The following SLC17A3 variants were observed in gnomAD, a reference collection of about 807,000 sequenced individuals.
SLC17A3 encodes solute carrier family 17 member 3, also known as sodium-dependent phosphate transport protein 4.
A neutral mutation model predicts 60.3 loss-of-function variants in SLC17A3; 61 were observed. The ratio of observed to expected loss-of-function variants is 1.01; its 90% confidence interval spans 0.82 to 1.25. SLC17A3 has a LOEUF of 1.25. Ranked by LOEUF, SLC17A3 falls within the 50% of genes most tolerant of loss-of-function variation. The probability of loss-of-function intolerance (pLI) is 0.00; values close to 1 mark genes in which losing one functional copy is unlikely to be tolerated. For missense variants in SLC17A3, 624 were observed against 594.9 expected (o/e 1.05, Z -0.51); for synonymous variants, 192 against 208.9 (o/e 0.92, Z 0.70).
intron 8 of SLC17A3, 132 bp downstream of exon 8, chr6:25,850,327 C>T (rs1765252214): frequency 3.1e-6 from 4 of 1,310,742 alleles, no homozygotes; most frequent in Admixed American, 3.8e-5. Context: ...AGAAAAGCTA[C>T]TGGCATGAGT....
rs757564537 is a variant in SLC17A3, at chr6:25,861,629, A to G, written c.620T>C (p.Leu207Ser). The G allele has an allele frequency of 6.2e-7, 1 of 1,613,746 alleles. No individual in the cohort carries two copies. Among genetic ancestry groups the G allele is most frequent in the Non-Finnish European group, 8.5e-7 (1 of 1,179,626 alleles). Residue 207 changes from leucine (L) to serine (S), a missense_variant, in exon 5 of 13, where the codon TTA becomes TCA. By Grantham distance (145) the Leu-to-Ser change is moderately radical. Coordinates refer to ENST00000397060, the MANE Select transcript of SLC17A3 (RefSeq NM_001098486.2). ...QERSRLCSIA[L>S]SGMLLGCFTA... Reference sequence around the variant, plus strand: ...TTTGGATTACATGTCCTTACCTGATAAAGCAATGCTGCAGAGTCTGCTTCG... The same window carrying G: ...TTTGGATTACATGTCCTTACCTGATGAAGCAATGCTGCAGAGTCTGCTTCG...
chr6:25,854,743 TTACTCAGGATGCCTTGCTCCTGTGC>T lies in SLC17A3; in HGVS notation c.712+376_712+400del, dbSNP rs556686237. Reference sequence around the variant, plus strand: ...TTCTCCTCTCTAAGAAACTTGAGCCTTACTCAGGATGCCTTGCTCCTGTGCTACTCAGGATGCCTTGCTCCTGTGC... The same window carrying T: ...TTCTCCTCTCTAAGAAACTTGAGCCTTACTCAGGATGCCTTGCTCCTGTGC... On this transcript the variant is annotated intron_variant, in intron 6 of 12. Coordinates refer to ENST00000397060, the MANE Select transcript of SLC17A3 (RefSeq NM_001098486.2). Among the ~76,000 whole-genome samples the T allele has an allele frequency of 5.9e-5, 9 of 152,034 alleles. No individual in the cohort carries two copies. In the East Asian group the frequency reaches 7.7e-4, roughly 13 times the overall value.
chr6:25,845,345 T>C, intron 12 of SLC17A3, 35 bp downstream of exon 12: 1 of 1,612,854 alleles, frequency 6.2e-7, no homozygotes, highest in Non-Finnish European at 8.5e-7. Flanking sequence ...GCTGCTTCTA[T>C]GGCTATAACC....
intron 2 of SLC17A3, among the ~76,000 whole-genome samples, chr6:25,864,006 T>A (rs1765494306): frequency 6.6e-6 from 1 of 151,948 alleles, no homozygotes; most frequent in African/African-American, 2.4e-5. Context: ...TAGAAGGTGA[T>A]AAATGCTGTA....
intron 2 of SLC17A3, among the ~76,000 whole-genome samples, chr6:25,864,919 A>G (rs939739767): frequency 2.6e-5 from 4 of 151,936 alleles, no homozygotes; most frequent in Non-Finnish European, 4.4e-5. Context: ...GGAACAAACA[A>G]AGGAAAGTGA....
chr6:25,854,631 G>A (rs61325738), intron 6 of SLC17A3, among the ~76,000 whole-genome samples: 7 of 152,346 alleles, frequency 4.6e-5, no homozygotes, highest in African/African-American at 1.7e-4. Flanking sequence ...GGAGGGAGCA[G>A]TTCTTTCTCA....
chr6:25,863,879 T>C (rs905222759), intron 2 of SLC17A3, among the ~76,000 whole-genome samples: 6 of 152,048 alleles, frequency 3.9e-5, no homozygotes, highest in African/African-American at 1.4e-4. Flanking sequence ...ACCTCCAATA[T>C]TGGGCCCTAG....
intron 11 of SLC17A3, among the ~76,000 whole-genome samples, chr6:25,848,202 T>C (rs1765210508): frequency 6.6e-6 from 1 of 152,230 alleles, no homozygotes; most frequent in African/African-American, 2.4e-5. Flanking sequence ...TGTGCTGCCA[T>C]AAACATGTCT....
intron 2 of SLC17A3, among the ~76,000 whole-genome samples, chr6:25,864,364 G>A (rs1765501786): frequency 6.6e-6 from 1 of 151,972 alleles, no homozygotes; most frequent in Non-Finnish European, 1.5e-5. Context: ...CTCTTTGGCT[G>A]CAGAAATGAG....
chr6:25,845,629 T>C (rs555230583), intron 11 of SLC17A3, 113 bp from the exon 12 acceptor site: 1 of 1,250,370 alleles, frequency 8.0e-7, no homozygotes, highest in Non-Finnish European at 1.2e-6. Context: ...TAGAAATTCA[T>C]TTCCTGAAAG....
Position 25,850,634 on chromosome 6 carries a change from TACTGGTCATAACGGTAAATCCG to T in SLC17A3, c.832-36_832-15del. The stretch of plus-strand genomic sequence containing the variant: ...AGAAGACCCGACCTGAAAACAAATT[TACTGGTCATAACGGTAAATCCG>T]ACAGATGCTCACACACTTAGTCACC... On this transcript the variant is annotated splice_polypyrimidine_tract_variant and intron_variant, in intron 7 of 12. Coordinates refer to ENST00000397060, the MANE Select transcript of SLC17A3 (RefSeq NM_001098486.2). The T allele has an allele frequency of 6.2e-7, 1 of 1,613,974 alleles. No homozygotes were observed. The highest frequency in any genetic ancestry group is 1.3e-5 in the African/African-American group (1 of 75,032).
At chr6:25,868,145 A>G in intron 2 of SLC17A3, 152 bp downstream of exon 2, 1 of 660,224 alleles carries the variant, frequency 1.5e-6, no homozygotes, top group East Asian at 2.8e-5. Context: ...AGTAATTTTT[A>G]TTTCCTTCAT....
At chr6:25,868,199 A>G in intron 2 of SLC17A3, 98 bp downstream of exon 2, 3 of 890,426 alleles carry the variant, frequency 3.4e-6, no homozygotes, top group South Asian at 1.4e-5. Context: ...AAAAAGAATT[A>G]AAGAACTTAA....
chr6:25,855,044 G>T, intron 6 of SLC17A3, 100 bp downstream of exon 6: 1 of 809,228 alleles, frequency 1.2e-6, no homozygotes, highest in South Asian at 1.5e-5. Context: ...GGATTTATCT[G>T]TCTTGACTCA....
intron 6 of SLC17A3, among the ~76,000 whole-genome samples, chr6:25,851,351 C>T (rs1046253245): frequency 2.2e-4 from 33 of 151,716 alleles, no homozygotes; most frequent in African/African-American, 7.5e-4. Flanking sequence ...CTGGGATCAG[C>T]ATGTCTTTTT....
At position 25,868,285 on chromosome 6, in the gene SLC17A3, G is replaced by A. The variant is rs372393554; in HGVS notation, c.91+12C>T. ...TAAAATCCTAAAACCAAGCAGTTGA[G>A]GTCAAATTTACCTTTCCTGGGGATC... On this transcript the variant is annotated intron_variant, in intron 2 of 12. Transcript: ENST00000397060. The A allele has an allele frequency of 6.2e-7, 1 of 1,601,690 alleles. No individual in the cohort carries two copies. Among genetic ancestry groups the A allele is most frequent in the Non-Finnish European group, 8.6e-7 (1 of 1,169,502 alleles).
At chr6:25,853,313 C>G (rs1410741747) in intron 6 of SLC17A3, among the ~76,000 whole-genome samples, 1 of 150,652 alleles carries the variant, frequency 6.6e-6, no homozygotes, top group African/African-American at 2.4e-5. Flanking sequence ...CTCCATCTGG[C>G]TAAAGATTTG....
intron 3 of SLC17A3, 90 bp downstream of exon 3, chr6:25,862,143 G>A: frequency 7.0e-7 from 1 of 1,428,700 alleles, no homozygotes; most frequent in East Asian, 2.4e-5. Flanking sequence ...CTCCATTAAA[G>A]TTTTTAAACA....
intron 5 of SLC17A3, among the ~76,000 whole-genome samples, chr6:25,860,833 T>C (rs1765434654): frequency 6.6e-6 from 1 of 152,212 alleles, no homozygotes; most frequent in Non-Finnish European, 1.5e-5. Context: ...TCTTGTGCTG[T>C]ATTCTGAGAT....
Sources: gnomAD v4.1 joint callset for allele counts (sites outside exome capture counted in the v4.1 genomes callset) on GRCh38, gnomAD v4.1.1 for gene constraint, MANE v1.5 for transcripts, NCBI Gene and HGNC (gene_info 2026-07-23, HGNC 2026-07-21) for gene names.